GRIK4: variants seen among roughly 807,000 people sequenced by gnomAD.
The protein encoded by GRIK4 is glutamate receptor ionotropic, kainate 4.
In GRIK4, 40 loss-of-function variants were observed where a neutral mutation model predicts 104.9. The observed-to-expected ratio is 0.38, with a 90% CI of 0.30 to 0.50. The LOEUF (loss-of-function observed/expected upper bound fraction) is 0.50, where lower values mean the gene tolerates loss of function less well. GRIK4 is among the 20% of genes least tolerant of loss of function. The pLI, the probability that GRIK4 is intolerant of heterozygous loss-of-function variation, is 0.93. For missense variants in GRIK4, 1,047 were observed against 1,308.1 expected, an observed-to-expected ratio of 0.80 and a Z score of 3.08; for synonymous variants, 485 against 524.9, an observed-to-expected ratio of 0.92 and a Z score of 1.04.
At position 120,832,045 on chromosome 11, in the gene GRIK4, C is replaced by G. The variant is rs774236539; in HGVS notation, c.690+15C>G. The G allele has an allele frequency of 1.9e-6, 3 of 1,582,572 alleles. No homozygotes were observed. Among genetic ancestry groups the G allele is most frequent in the Admixed American group, 1.7e-5 (1 of 59,386 alleles). The stretch of plus-strand genomic sequence containing the variant: ...TCCTCCTGAAGGTGGGAGCCTCCCT[C>G]TCTCCCCCACCCCCTGCTGAGCTCC... On this transcript the variant is annotated intron_variant, in intron 7 of 20. Transcript: ENST00000527524.
intron 19 of GRIK4, among the ~76,000 whole-genome samples, chr11:120,976,156 G>A (rs181891510): frequency 4.7e-4 from 72 of 152,284 alleles, no homozygotes; most frequent in Middle Eastern, 3.4e-3. Context: ...TCTCTATGGT[G>A]TTTTTAACGA....
At chr11:120,723,046 C>A (rs955922165) in intron 3 of GRIK4, among the ~76,000 whole-genome samples, 5 of 152,210 alleles carry the variant, frequency 3.3e-5, no homozygotes, top group African/African-American at 1.2e-4. Flanking sequence ...CATATACTAT[C>A]TCTATTCTCC....
intron 3 of GRIK4, among the ~76,000 whole-genome samples, chr11:120,683,754 G>A (rs1197093945): frequency 6.6e-6 from 1 of 152,200 alleles, no homozygotes; most frequent in Non-Finnish European, 1.5e-5. Context: ...ATTGTAACTG[G>A]AAGTAAAGAG....
intron 5 of GRIK4, among the ~76,000 whole-genome samples, chr11:120,816,756 G>A (rs184807852): frequency 5.9e-5 from 9 of 152,190 alleles, no homozygotes; most frequent in Admixed American, 4.6e-4. Flanking sequence ...TTTAAGTGCC[G>A]CGATCCTAGT....
intron 3 of GRIK4, among the ~76,000 whole-genome samples, chr11:120,679,142 A>G (rs1950152502): frequency 6.6e-6 from 1 of 152,006 alleles, no homozygotes; most frequent in African/African-American, 2.4e-5. Flanking sequence ...CAGTATGGTA[A>G]ATGCTCTTCA....
At chr11:120,621,032 G>A (rs931575734) in intron 1 of GRIK4, among the ~76,000 whole-genome samples, 4 of 152,180 alleles carry the variant, frequency 2.6e-5, no homozygotes, top group Admixed American at 6.5e-5. Flanking sequence ...TATATCCTCA[G>A]CCATTATTTA....
intron 6 of GRIK4, among the ~76,000 whole-genome samples, chr11:120,821,455 G>A (rs889411223): frequency 6.6e-6 from 1 of 152,230 alleles, no homozygotes; most frequent in Non-Finnish European, 1.5e-5. Flanking sequence ...AGAGGCTGGG[G>A]AAGGTAGCAG....
chr11:120,865,797 C>T (rs866877801), intron 9 of GRIK4, among the ~76,000 whole-genome samples: 1 of 152,084 alleles, frequency 6.6e-6, no homozygotes. Flanking sequence ...AAGGAATACT[C>T]GAGGTTGGGT....
intron 3 of GRIK4, among the ~76,000 whole-genome samples, chr11:120,668,605 T>C (rs1381738320): frequency 6.6e-6 from 1 of 152,176 alleles, no homozygotes; most frequent in Non-Finnish European, 1.5e-5. Flanking sequence ...CCTCTCAGTC[T>C]CTTCCACCTG....
chr11:120,695,418 C>T (rs997349825), intron 3 of GRIK4, among the ~76,000 whole-genome samples: 1 of 152,242 alleles, frequency 6.6e-6, no homozygotes, highest in Non-Finnish European at 1.5e-5. Flanking sequence ...TTCGAAGACA[C>T]ACATTTCATG....
chr11:120,710,386 C>G (rs377392077), intron 3 of GRIK4, among the ~76,000 whole-genome samples: 9 of 152,156 alleles, frequency 5.9e-5, no homozygotes, highest in African/African-American at 2.2e-4. Flanking sequence ...TGGCAGAAGT[C>G]AAGATACAGT....
chr11:120,546,382 A>G (rs895671790), intron 1 of GRIK4, among the ~76,000 whole-genome samples: 1 of 152,096 alleles, frequency 6.6e-6, no homozygotes, highest in Admixed American at 6.5e-5. Flanking sequence ...CAGTTGGGAA[A>G]GATTCTCTCT....
chr11:120,796,158 C>A (rs1381558345), intron 3 of GRIK4, among the ~76,000 whole-genome samples: 1 of 151,804 alleles, frequency 6.6e-6, no homozygotes, highest in Non-Finnish European at 1.5e-5. Context: ...GCTTCAGCCT[C>A]CCGAGTAGCT....
intron 1 of GRIK4, among the ~76,000 whole-genome samples, chr11:120,637,831 C>T (rs1949418064): frequency 6.6e-6 from 1 of 152,022 alleles, no homozygotes; most frequent in Admixed American, 6.6e-5. Context: ...CCTGACTTAT[C>T]TTGTTCCTAG....
rs58887661 is a variant in GRIK4 at position 120,799,428 on chromosome 11, T to C, written c.83-3265T>C. Among the ~76,000 whole-genome samples the C allele has an allele frequency of 4.8e-3, 735 of 152,304 alleles. 7 individuals carry two copies. Among genetic ancestry groups the C allele is most frequent in the African/African-American group, 0.017 (689 of 41,556 alleles). ...TTACAGTCTGTAGATGGAGGCTTCC[T>C]TTACAGTCCCTGGAAGCCTCATGCA... On this transcript the variant is annotated intron_variant, in intron 3 of 20. Transcript: ENST00000527524.
intron 1 of GRIK4, among the ~76,000 whole-genome samples, chr11:120,579,126 C>T (rs1243182157): frequency 1.3e-5 from 2 of 152,156 alleles, no homozygotes; most frequent in Non-Finnish European, 2.9e-5. Flanking sequence ...CCTGTCCCAG[C>T]ACTGAGGATC....
At chr11:120,919,999 C>G (rs1450161625) in intron 13 of GRIK4, among the ~76,000 whole-genome samples, 1 of 152,012 alleles carries the variant, frequency 6.6e-6, no homozygotes, top group African/African-American at 2.4e-5. Flanking sequence ...CAGCACTGGG[C>G]CTGAACCCCA....
chr11:120,962,809 G>T (rs963554068), intron 18 of GRIK4, 128 bp downstream of exon 18: 4 of 566,458 alleles, frequency 7.1e-6, no homozygotes, highest in Non-Finnish European at 1.2e-5. Flanking sequence ...GTGACTTTAC[G>T]TGGGCATTCT....
intron 3 of GRIK4, among the ~76,000 whole-genome samples, chr11:120,720,299 C>G (rs1224520855): frequency 6.6e-6 from 1 of 152,212 alleles, no homozygotes; most frequent in African/African-American, 2.4e-5. Flanking sequence ...ATAAGCACTG[C>G]ATTTTGTGTT....
Sources: allele counts gnomAD v4.1 joint callset (sites outside exome capture counted in the v4.1 genomes callset), GRCh38; gene constraint gnomAD v4.1.1; transcripts MANE v1.5; gene names NCBI Gene and HGNC (gene_info 2026-07-23, HGNC 2026-07-21).